Variants in KCNIP4 observed in about 807,000 individuals in gnomAD.
The protein encoded by KCNIP4 is potassium voltage-gated channel interacting protein 4, also known as Kv channel-interacting protein 4.
In KCNIP4, 12 loss-of-function variants were observed where a neutral mutation model predicts 34.0. That is an observed-to-expected ratio of 0.35 (90% CI 0.23 to 0.57). The LOEUF (loss-of-function observed/expected upper bound fraction) is 0.57. KCNIP4 is among the 20% of genes least tolerant of loss of function. The pLI, the probability that KCNIP4 is intolerant of heterozygous loss-of-function variation, is 0.83. For missense variants in KCNIP4, 238 were observed against 311.7 expected, an observed-to-expected ratio of 0.76 and a Z score of 1.78; for synonymous variants, 124 against 102.2, an observed-to-expected ratio of 1.21 and a Z score of -1.29.
chr4:21,663,678 G>A (rs995931124), intron 1 of KCNIP4, among the ~76,000 whole-genome samples: 13 of 152,104 alleles, frequency 8.5e-5, no homozygotes, highest in Admixed American at 7.9e-4. Context: ...GAAAGGTCCT[G>A]TAGAACCCAA....
intron 3 of KCNIP4, among the ~76,000 whole-genome samples, chr4:20,805,029 T>C (rs1714881336): frequency 6.6e-6 from 1 of 152,042 alleles, no homozygotes; most frequent in African/African-American, 2.4e-5. Context: ...TTGGTCTGAT[T>C]TGGGTCTGTA....
At chr4:21,918,212 G>A (rs567456442) in intron 1 of KCNIP4, among the ~76,000 whole-genome samples, 4 of 152,226 alleles carry the variant, frequency 2.6e-5, no homozygotes, top group Admixed American at 1.3e-4. Flanking sequence ...CTACATCAGA[G>A]TGAAACTAAA....
intron 1 of KCNIP4, among the ~76,000 whole-genome samples, chr4:21,886,490 T>C (rs185708797): frequency 6.6e-6 from 1 of 152,242 alleles, no homozygotes; most frequent in East Asian, 1.9e-4. Context: ...TTAACCCTAA[T>C]GTATTTTTAC....
intron 1 of KCNIP4, among the ~76,000 whole-genome samples, chr4:21,726,325 A>G (rs376187219): frequency 3.3e-5 from 5 of 152,294 alleles, no homozygotes; most frequent in African/African-American, 1.2e-4. Flanking sequence ...TCTCTCAAAG[A>G]GGCATGTCTT....
Position 21,793,113 on chromosome 4 carries a change from A to G in KCNIP4, c.61+155458T>C, listed in dbSNP as rs564212973. On this transcript the variant is annotated intron_variant, in intron 1 of 8. Coordinates refer to ENST00000382152, the MANE Select transcript of KCNIP4 (RefSeq NM_025221.6). ...TTTTTGTTGTACCTTTAAAAAAACC[A>G]AAGCCTAAAATGAGTTTCTGAGAAA... 1.5e-4 allele frequency among the ~76,000 whole-genome samples: 23 copies of G among 152,342 alleles called. No individual in the cohort carries two copies. In the East Asian group the frequency reaches 4.4e-3, roughly 29 times the overall value.
intron 2 of KCNIP4, among the ~76,000 whole-genome samples, chr4:20,856,212 T>C (rs868120348): frequency 6.6e-6 from 1 of 152,236 alleles, no homozygotes; most frequent in South Asian, 2.1e-4. Context: ...ATAGACCTCA[T>C]GTAAATAGAT....
intron 1 of KCNIP4, among the ~76,000 whole-genome samples, chr4:21,153,106 C>T (rs1577795582): frequency 6.6e-6 from 1 of 152,240 alleles, no homozygotes; most frequent in East Asian, 1.9e-4. Context: ...TCCTTAAACA[C>T]ATGGCATTTG....
chr4:21,433,625 A>G (rs901664819), intron 1 of KCNIP4, among the ~76,000 whole-genome samples: 2 of 152,188 alleles, frequency 1.3e-5, no homozygotes, highest in East Asian at 3.9e-4. Context: ...TTGTGGCTAT[A>G]GCTGACTGAT....
chr4:21,640,807 C>T (rs61484105), intron 1 of KCNIP4, among the ~76,000 whole-genome samples: 2,705 of 152,214 alleles, frequency 0.018, 93 homozygotes, highest in African/African-American at 0.062. Flanking sequence ...CATATAGGTG[C>T]CCTGCCACTG....
intron 1 of KCNIP4, among the ~76,000 whole-genome samples, chr4:21,572,287 T>C (rs1740420862): frequency 6.6e-6 from 1 of 152,204 alleles, no homozygotes; most frequent in African/African-American, 2.4e-5. Context: ...GTGTTGCTTA[T>C]TTTTGTTATT....
chr4:21,543,340 TA>T (rs1225784027), intron 1 of KCNIP4, among the ~76,000 whole-genome samples: 14 of 152,150 alleles, frequency 9.2e-5, no homozygotes, highest in Admixed American at 6.5e-4. Flanking sequence ...GTCAGTTTTC[TA>T]AAAACTGTAA....
At position 21,358,109 on chromosome 4, in the gene KCNIP4, A is replaced by T. The variant is rs570843983; in HGVS notation, c.62-475400T>A. Among the ~76,000 whole-genome samples the T allele has an allele frequency of 5.3e-5, 8 of 152,260 alleles. No individual in the cohort carries two copies. In the East Asian group the frequency reaches 1.5e-3, roughly 29 times the overall value. ...CCGCCTGTTCTCACTCATAGGTGGG[A>T]ATTAAACAATGACAACACTTGGACA... On this transcript the variant is annotated intron_variant, in intron 1 of 8. Coordinates refer to ENST00000382152, the MANE Select transcript of KCNIP4 (RefSeq NM_025221.6).
intron 1 of KCNIP4, among the ~76,000 whole-genome samples, chr4:21,443,039 A>G (rs1727625093): frequency 6.6e-6 from 1 of 152,174 alleles, no homozygotes; most frequent in Non-Finnish European, 1.5e-5. Context: ...CTCACAACCC[A>G]TATCCAATTT....
chr4:20,882,662 G>A lies in KCNIP4; in HGVS notation c.109C>T (p.Leu37Phe). 2 of 1,613,744 alleles carry A rather than the reference G, an allele frequency of 1.2e-6. No homozygotes were observed. Among genetic ancestry groups the A allele is most frequent in the South Asian group, 1.1e-5 (1 of 91,066 alleles). Residue 37 changes from leucine to phenylalanine, a missense_variant, in exon 2 of 9, where the codon CTC (leucine) becomes TTC (phenylalanine). By Grantham distance (22) the Leu-to-Phe change is conservative. Coordinates refer to ENST00000382152, the MANE Select transcript of KCNIP4 (RefSeq NM_025221.6). ...NSTKRSIKER[L>F]MKLLPCSAAK... ...GCTGAGCAGGGCAAGAGCTTCATGA[G>A]CCGCTCTTTAATGCTGCGCTTGGTG...
chr4:21,808,161 A>T (rs1451931818), intron 1 of KCNIP4, among the ~76,000 whole-genome samples: 1 of 152,168 alleles, frequency 6.6e-6, no homozygotes, highest in African/African-American at 2.4e-5. Context: ...TATAGTTTTG[A>T]TATTGTCACA....
chr4:20,973,947 CA>C (rs1343450875), intron 1 of KCNIP4, among the ~76,000 whole-genome samples: 1 of 151,860 alleles, frequency 6.6e-6, no homozygotes, highest in Non-Finnish European at 1.5e-5. Flanking sequence ...CTAGTAATAC[CA>C]AAGATCACTA....
At chr4:21,556,613 G>A (rs1461245009) in intron 1 of KCNIP4, among the ~76,000 whole-genome samples, 1 of 151,900 alleles carries the variant, frequency 6.6e-6, no homozygotes, top group East Asian at 1.9e-4. Context: ...ATCTTCTATG[G>A]AATACTACTT....
intron 1 of KCNIP4, among the ~76,000 whole-genome samples, chr4:21,441,303 G>C (rs1441781461): frequency 2.0e-5 from 3 of 151,628 alleles, no homozygotes; most frequent in Non-Finnish European, 4.4e-5. Flanking sequence ...CACCACGCCC[G>C]GCTAATTTTT....
intron 1 of KCNIP4, among the ~76,000 whole-genome samples, chr4:21,827,804 A>G (rs1338961767): frequency 6.6e-6 from 1 of 152,060 alleles, no homozygotes; most frequent in African/African-American, 2.4e-5. Context: ...AGTTTACACT[A>G]CTGTGTCATA....
Sources: gnomAD v4.1 joint callset for allele counts (sites outside exome capture counted in the v4.1 genomes callset) on GRCh38, gnomAD v4.1.1 for gene constraint, MANE v1.5 for transcripts, NCBI Gene and HGNC (gene_info 2026-07-23, HGNC 2026-07-21) for gene names.